Variants in GRM7 observed in about 807,000 individuals in gnomAD.
GRM7 encodes glutamate metabotropic receptor 7, also known as metabotropic glutamate receptor 7.
A neutral mutation model predicts 84.5 loss-of-function variants in GRM7; 35 were observed. The observed-to-expected ratio is 0.41, with a 90% CI of 0.32 to 0.55. GRM7 has a LOEUF of 0.55. Ranked by LOEUF, GRM7 falls within the 20% of genes least tolerant of loss-of-function variation. The pLI is 0.19. For missense variants in GRM7, 1,003 were observed against 1,194.6 expected, an observed-to-expected ratio of 0.84 and a Z score of 2.36; for synonymous variants, 487 against 455.1, an observed-to-expected ratio of 1.07 and a Z score of -0.89.
At chr3:7,438,245 G>A (rs546531449) in intron 5 of GRM7, among the ~76,000 whole-genome samples, 1 of 152,040 alleles carries the variant, frequency 6.6e-6, no homozygotes, top group Non-Finnish European at 1.5e-5. Flanking sequence ...AGCAGTCCAG[G>A]TGAGATAGGA....
At chr3:7,558,365 C>T (rs1176038122) in intron 7 of GRM7, among the ~76,000 whole-genome samples, 2 of 78,568 alleles carry the variant, frequency 2.5e-5, no homozygotes, top group East Asian at 2.9e-4. Flanking sequence ...AAATAAAATG[C>T]TATGGCTAAG....
At chr3:7,693,494 T>C in intron 9 of GRM7, 3 of 664,260 alleles carry the variant, frequency 4.5e-6, no homozygotes, top group Non-Finnish European at 5.5e-6. Flanking sequence ...AGGGTTAGTA[T>C]GAAAAATGCT....
chr3:7,377,878 C>T (rs1387642352), intron 4 of GRM7, among the ~76,000 whole-genome samples: 1 of 152,158 alleles, frequency 6.6e-6, no homozygotes, highest in African/African-American at 2.4e-5. Flanking sequence ...GTTAACTAAT[C>T]AGTGCTAAAA....
At chr3:7,578,336 G>T in intron 7 of GRM7, 86 bp from the exon 8 acceptor site, 2 of 826,738 alleles carry the variant, frequency 2.4e-6, no homozygotes, top group Non-Finnish European at 3.9e-6. Flanking sequence ...TATGTCACTT[G>T]CCATGAGTAC....
At chr3:7,571,635 T>C (rs1694664594) in intron 7 of GRM7, among the ~76,000 whole-genome samples, 1 of 152,182 alleles carries the variant, frequency 6.6e-6, no homozygotes, top group Admixed American at 6.5e-5. Flanking sequence ...TTTCCCACAT[T>C]TTCCTGTCTT....
rs571959724 is a variant in GRM7, at chr3:7,664,909, A to T, written c.2452-15140A>T. On this transcript the variant is annotated intron_variant, in intron 8 of 9. Transcript: ENST00000357716. ...AATTAGTAAATTTCATATTATAACC[A>T]CACATCAGCAGAATCAGACATTGCA... 2.1e-4 allele frequency among the ~76,000 whole-genome samples: 32 copies of T among 152,256 alleles called. No individual in the cohort carries two copies. The Middle Eastern group carries it at 0.02, about 97-fold the overall frequency.
At chr3:7,219,146 A>G (rs1195491581) in intron 2 of GRM7, among the ~76,000 whole-genome samples, 2 of 152,046 alleles carry the variant, frequency 1.3e-5, no homozygotes, top group African/African-American at 4.8e-5. Flanking sequence ...GTGTGAGGAG[A>G]TGCTTTGTTT....
At chr3:6,911,411 T>A (rs1436446343) in intron 1 of GRM7, among the ~76,000 whole-genome samples, 1 of 152,294 alleles carries the variant, frequency 6.6e-6, no homozygotes, top group Non-Finnish European at 1.5e-5. Flanking sequence ...GGACTTATGT[T>A]CCTTCATCCA....
At chr3:7,692,424 C>CA (rs1456492394) in intron 9 of GRM7, among the ~76,000 whole-genome samples, 1 of 152,056 alleles carries the variant, frequency 6.6e-6, no homozygotes, top group African/African-American at 2.4e-5. Flanking sequence ...GGGATCCTAC[C>CA]AAAAAATCAA....
chr3:7,517,775 C>T (rs950715648), intron 7 of GRM7, among the ~76,000 whole-genome samples: 18 of 152,212 alleles, frequency 1.2e-4, no homozygotes, highest in African/African-American at 4.3e-4. Flanking sequence ...GGGATTATCC[C>T]AGTTCATCTT....
chr3:7,074,897 C>G (rs1665558207), intron 1 of GRM7, among the ~76,000 whole-genome samples: 2 of 152,144 alleles, frequency 1.3e-5, no homozygotes, highest in African/African-American at 2.4e-5. Flanking sequence ...ATTTTTCAAT[C>G]AAAGCCAGCT....
intron 1 of GRM7, among the ~76,000 whole-genome samples, chr3:7,047,999 A>C (rs1696861214): frequency 6.6e-6 from 1 of 152,024 alleles, no homozygotes; most frequent in African/African-American, 2.4e-5. Flanking sequence ...TTTGATGTTA[A>C]ATAACTTCCT....
At chr3:7,491,267 G>A (rs1699506836) in intron 7 of GRM7, among the ~76,000 whole-genome samples, 1 of 151,842 alleles carries the variant, frequency 6.6e-6, no homozygotes, top group South Asian at 2.1e-4. Context: ...AATCAGGAGT[G>A]GAAATAAATA....
chr3:7,615,020 A>G (rs1366263885), intron 8 of GRM7, among the ~76,000 whole-genome samples: 3 of 152,136 alleles, frequency 2.0e-5, no homozygotes. Context: ...GTTACATTTT[A>G]AAGGTGGCAT....
intron 1 of GRM7, among the ~76,000 whole-genome samples, chr3:6,973,462 T>C (rs1693847404): frequency 1.3e-5 from 2 of 152,170 alleles, no homozygotes; most frequent in African/African-American, 4.8e-5. Flanking sequence ...AATTTGTATA[T>C]ATGTGTACAC....
intron 1 of GRM7, among the ~76,000 whole-genome samples, chr3:7,049,256 G>A (rs909818831): frequency 1.3e-5 from 2 of 151,902 alleles, no homozygotes; most frequent in Non-Finnish European, 2.9e-5. Flanking sequence ...ACCCAAGACT[G>A]CGCAATTTAG....
chr3:7,438,659 C>A (rs1299478267), intron 5 of GRM7, among the ~76,000 whole-genome samples: 1 of 151,988 alleles, frequency 6.6e-6, no homozygotes, highest in Non-Finnish European at 1.5e-5. Flanking sequence ...CGGAGGTAGC[C>A]AGACCAATAA....
chr3:7,660,244 G>T (rs1699380119), intron 8 of GRM7, among the ~76,000 whole-genome samples: 1 of 152,162 alleles, frequency 6.6e-6, no homozygotes, highest in Non-Finnish European at 1.5e-5. Flanking sequence ...ATCACCAGTA[G>T]CAGGGCAGCC....
intron 2 of GRM7, among the ~76,000 whole-genome samples, chr3:7,292,625 T>C (rs547281694): frequency 6.6e-6 from 1 of 152,058 alleles, no homozygotes; most frequent in South Asian, 2.1e-4. Flanking sequence ...ATTATCTCTG[T>C]GAAACTCTTT....
Sources: allele counts gnomAD v4.1 joint callset (sites outside exome capture counted in the v4.1 genomes callset), GRCh38; gene constraint gnomAD v4.1.1; transcripts MANE v1.5; gene names NCBI Gene and HGNC (gene_info 2026-07-23, HGNC 2026-07-21).